Variants in MTCH2 observed in about 807,000 individuals in gnomAD.
MTCH2 encodes the protein mitochondrial carrier 2.
MTCH2 carries 25 observed loss-of-function variants against 50.6 expected under a neutral mutation model. That is an observed-to-expected ratio of 0.49 (90% confidence interval 0.36 to 0.69). The LOEUF is 0.69. Ranked by LOEUF, MTCH2 falls within the 30% of genes least tolerant of loss-of-function variation. The probability of loss-of-function intolerance (pLI) is 0.00; values close to 1 mark genes in which losing one functional copy is unlikely to be tolerated. For missense variants in MTCH2, 273 were observed against 384.4 expected (o/e 0.71, Z 2.42); for synonymous variants, 106 against 132.0 (o/e 0.80, Z 1.35).
chr11:47,619,042 C>A, intron 12 of MTCH2, 123 bp from the exon 13 acceptor site: 1 of 796,862 alleles, frequency 1.3e-6, no homozygotes, highest in South Asian at 1.4e-5. Context: ...GGGACTATCA[C>A]TACAGAACAA....
At chr11:47,637,530 T>C (rs945960908) in intron 3 of MTCH2, among the ~76,000 whole-genome samples, 3 of 152,126 alleles carry the variant, frequency 2.0e-5, no homozygotes, top group African/African-American at 7.2e-5. Flanking sequence ...GAAGAGATCA[T>C]GAATACTGCC....
intron 7 of MTCH2, among the ~76,000 whole-genome samples, chr11:47,630,835 T>G (rs1216320036): frequency 6.6e-6 from 1 of 152,188 alleles, no homozygotes; most frequent in Non-Finnish European, 1.5e-5. Flanking sequence ...GCTCTGCAAC[T>G]TACTCTGAAA....
chr11:47,634,768 G>GTTTT, intron 4 of MTCH2, 34 bp from the exon 5 acceptor site: 2 of 751,672 alleles, frequency 2.7e-6, no homozygotes, highest in Non-Finnish European at 4.0e-6. Context: ...TAGAGATCTT[G>GTTTT]ATTTTTTTTT....
intron 10 of MTCH2, 150 bp from the exon 11 acceptor site, chr11:47,625,891 T>C (rs529291361): frequency 2.3e-4 from 130 of 561,690 alleles, no homozygotes; most frequent in Non-Finnish European, 3.2e-4. Context: ...AGTTACAGTT[T>C]TGAGCCTGGA....
At position 47,642,559 on chromosome 11, in the gene MTCH2, T is replaced by C. The variant is rs1004105848; in HGVS notation, c.-94A>G. The C allele has an allele frequency of 2.6e-6, 3 of 1,138,288 alleles. No individual in the cohort carries two copies. The highest frequency in any genetic ancestry group is 2.4e-6 in the Non-Finnish European group (2 of 830,174). 70.5% of individuals were successfully genotyped at this position (1,138,288 alleles called of 1,614,324 possible). A position where few individuals can be genotyped will look rare whatever the true frequency, so the allele number is the denominator to read the frequency against. ...CACGTGCCAGGGCCGCCGGTTTCAC[T>C]GGCCCGCCCGCGGCGCGCGCGCACG... is the stretch of plus-strand genomic sequence containing the variant. On this transcript the variant is annotated 5_prime_UTR_variant, in exon 1 of 13. Coordinates refer to ENST00000302503, the MANE Select transcript of MTCH2 (RefSeq NM_014342.4).
chr11:47,619,360 C>T (rs2097291111), intron 12 of MTCH2, among the ~76,000 whole-genome samples: 2 of 152,116 alleles, frequency 1.3e-5, no homozygotes, highest in South Asian at 4.1e-4. Context: ...CCTCAGCCTC[C>T]TAAGTAGCTG....
At chr11:47,611,402 C>T in the MTCH2 span, among the ~76,000 whole-genome samples, 2 of 152,246 alleles carry the variant, frequency 1.3e-5, no homozygotes, top group Non-Finnish European at 2.9e-5. Flanking sequence ...GGCAGGGCCC[C>T]GGCTAGATGG....
intron 12 of MTCH2, among the ~76,000 whole-genome samples, chr11:47,620,138 A>T (rs1272202914): frequency 1.3e-5 from 2 of 151,872 alleles, no homozygotes; most frequent in African/African-American, 2.4e-5. Flanking sequence ...AACAGGGGTG[A>T]GGGGGGAGGG....
the MTCH2 span, among the ~76,000 whole-genome samples, chr11:47,612,138 G>A: frequency 6.6e-6 from 1 of 152,260 alleles, no homozygotes; most frequent in South Asian, 2.1e-4. Context: ...TTTTGGCCAG[G>A]CATAGTGGCT....
chr11:47,607,626 T>G, the MTCH2 span, among the ~76,000 whole-genome samples: 4 of 152,334 alleles, frequency 2.6e-5, 1 homozygote, highest in Middle Eastern at 0.01. Context: ...GGATTTTTGC[T>G]GGAGCTCTCC....
chr11:47,640,594 T>A (rs2097313174), intron 1 of MTCH2, among the ~76,000 whole-genome samples: 1 of 151,768 alleles, frequency 6.6e-6, no homozygotes, highest in Admixed American at 6.6e-5. Flanking sequence ...TTTTGTATTT[T>A]TAGTAGAGAG....
At chr11:47,611,166 T>C in the MTCH2 span, among the ~76,000 whole-genome samples, 2 of 152,238 alleles carry the variant, frequency 1.3e-5, no homozygotes, top group Non-Finnish European at 2.9e-5. Flanking sequence ...ATTATAGGCC[T>C]TTGCATCCTC....
chr11:47,633,318 G>C, intron 5 of MTCH2, among the ~76,000 whole-genome samples: 1 of 148,098 alleles, frequency 6.8e-6, no homozygotes, highest in East Asian at 2.0e-4. Flanking sequence ...CACCGTGTTA[G>C]CCAGGGTGGT....
the MTCH2 span, among the ~76,000 whole-genome samples, chr11:47,605,216 C>T: frequency 6.6e-6 from 1 of 152,224 alleles, no homozygotes; most frequent in South Asian, 2.1e-4. Flanking sequence ...GTGTGAGCCA[C>T]CGTGCCCGGC....
chr11:47,641,588 ACTAAGT>A (rs989393551), intron 1 of MTCH2, among the ~76,000 whole-genome samples: 3 of 152,252 alleles, frequency 2.0e-5, no homozygotes, highest in Non-Finnish European at 4.4e-5. Flanking sequence ...AACTGGAAAC[ACTAAGT>A]CTATCACTTA....
intron 3 of MTCH2, among the ~76,000 whole-genome samples, 199 bp downstream of exon 3, chr11:47,638,500 C>T (rs1274982629): frequency 1.7e-5 from 2 of 120,030 alleles, no homozygotes; most frequent in African/African-American, 3.2e-5. Context: ...GAGCCCAGAT[C>T]GCGCCACTAC....
chr11:47,605,297 T>A, the MTCH2 span, among the ~76,000 whole-genome samples: 16 of 152,278 alleles, frequency 1.1e-4, no homozygotes, highest in East Asian at 3.1e-3. Context: ...AGCCACTATC[T>A]TTTTAAGCAG....
intron 3 of MTCH2, 42 bp from the exon 4 acceptor site, chr11:47,635,613 G>A: frequency 2.6e-6 from 4 of 1,566,690 alleles, no homozygotes; most frequent in Non-Finnish European, 3.5e-6. Context: ...TTATTACAGT[G>A]TCATGTGAAA....
intron 9 of MTCH2, among the ~76,000 whole-genome samples, chr11:47,628,666 C>T (rs1254447622): frequency 6.6e-6 from 1 of 152,194 alleles, no homozygotes; most frequent in Non-Finnish European, 1.5e-5. Flanking sequence ...CCTCCGCCTC[C>T]TGGGTTCAAG....
Sources: gnomAD v4.1 joint callset for allele counts (sites outside exome capture counted in the v4.1 genomes callset) on GRCh38, gnomAD v4.1.1 for gene constraint, MANE v1.5 for transcripts, NCBI Gene and HGNC (gene_info 2026-07-23, HGNC 2026-07-21) for gene names.